Variants in ADAMTS8 observed in about 807,000 individuals in gnomAD.
ADAMTS8 encodes the protein A disintegrin and metalloproteinase with thrombospondin motifs 8.
Under a neutral mutation model 64.4 loss-of-function variants are expected in ADAMTS8, and 50 were observed. The ratio of observed to expected loss-of-function variants is 0.78; its 90% CI spans 0.62 to 0.98. The LOEUF (loss-of-function observed/expected upper bound fraction) is 0.98, where lower values mean the gene tolerates loss of function less well. Ranked by LOEUF, ADAMTS8 falls within the 50% of genes least tolerant of loss-of-function variation. The pLI, the probability that ADAMTS8 is intolerant of heterozygous loss-of-function variation, is 0.00. For missense variants in ADAMTS8, 1,192 were observed against 1,208.2 expected (o/e 0.99, Z 0.20); for synonymous variants, 556 against 533.6 (o/e 1.04, Z -0.58).
intron 1 of ADAMTS8, among the ~76,000 whole-genome samples, chr11:130,424,186 A>G (rs1862134041): frequency 6.6e-6 from 1 of 152,194 alleles, no homozygotes; most frequent in Non-Finnish European, 1.5e-5. Flanking sequence ...GTCCTGAGAA[A>G]GAGGCCGCCT....
At chr11:130,418,979 G>A in intron 2 of ADAMTS8, 74 bp downstream of exon 2, 1 of 1,595,800 alleles carries the variant, frequency 6.3e-7, no homozygotes, top group Non-Finnish European at 8.5e-7. Flanking sequence ...GTTTGGGCAG[G>A]CCTCGTGGTC....
At chr11:130,426,482 G>A (rs887861707) in intron 1 of ADAMTS8, among the ~76,000 whole-genome samples, 2 of 152,188 alleles carry the variant, frequency 1.3e-5, no homozygotes, top group Non-Finnish European at 2.9e-5. Context: ...CCTGTTTCAG[G>A]GAACTATGAC....
In ADAMTS8 at chr11:130,416,816, T is replaced by C. The variant is rs1862031451; in HGVS notation, c.1096+124A>G. 3 of 1,465,226 alleles carry C rather than the reference T, an allele frequency of 2.0e-6. No homozygotes were observed. The highest frequency in any genetic ancestry group is 3.5e-5 in the Admixed American group (2 of 56,428). 90.8% of individuals were successfully genotyped at this position (1,465,226 alleles called of 1,614,324 possible). A position where few individuals can be genotyped will look rare whatever the true frequency, so the allele number is the denominator to read the frequency against. ...TATCTGTTTGTATACAGTCACCCTGTCAAAATTAGGAGGAGCTATTCCTAA... is the reference window on the plus strand; with the variant it reads ...TATCTGTTTGTATACAGTCACCCTGCCAAAATTAGGAGGAGCTATTCCTAA... On this transcript the variant is annotated intron_variant, in intron 3 of 8. Coordinates refer to ENST00000257359, the MANE Select transcript of ADAMTS8 (RefSeq NM_007037.6). This position sits in a 1 kb window ranked among gnomAD's most constrained non-coding sequence, Gnocchi z 4.8.
intron 8 of ADAMTS8, 73 bp downstream of exon 8, chr11:130,408,391 T>C (rs1310776228): frequency 1.3e-6 from 2 of 1,545,374 alleles, no homozygotes; most frequent in Non-Finnish European, 1.8e-6. Flanking sequence ...ACAGTTCAAT[T>C]TGGGCCTAGC....
rs748346236 is a variant in ADAMTS8 at position 130,405,866 on chromosome 11, C to T, written c.2362G>A (p.Val788Met). The change falls in exon 9 of 9, where the codon GTG (valine) becomes ATG (methionine). Residue 788 changes from valine to methionine, a missense_variant. Physicochemically the swap from Val to Met is conservative, Grantham distance 21 (BLOSUM62 1). Coordinates refer to ENST00000257359, the MANE Select transcript of ADAMTS8 (RefSeq NM_007037.6). ...TCGCCAGGGACTGTCAGGAGCTGCACTGTCAGAGGCTCTGGCAAGGGCCGG... is the reference window on the plus strand; with the variant it reads ...TCGCCAGGGACTGTCAGGAGCTGCATTGTCAGAGGCTCTGGCAAGGGCCGG... Reference protein sequence around the residue: ...SFRPLPEPLTVQLLTVPGEVF... With the variant: ...SFRPLPEPLTMQLLTVPGEVF... 2 of 1,614,084 alleles carry T rather than the reference C, an allele frequency of 1.2e-6. No homozygotes were observed. The highest frequency in any genetic ancestry group is 1.1e-5 in the South Asian group (1 of 91,088).
chr11:130,410,580 G>T (rs1377534351), intron 6 of ADAMTS8, among the ~76,000 whole-genome samples: 2 of 152,190 alleles, frequency 1.3e-5, no homozygotes, highest in Non-Finnish European at 2.9e-5. Flanking sequence ...ATTCTCCTGA[G>T]ACATCAACCC....
rs773856706 is a variant in ADAMTS8, at chr11:130,427,820, G to A, written c.467C>T (p.Ala156Val). The A allele has an allele frequency of 6.4e-7, 1 of 1,558,412 alleles. No individual in the cohort carries two copies. The highest frequency in any genetic ancestry group is 1.2e-5 in the South Asian group (1 of 85,140). ...QPHRLQRWGP[A>V]GARPLPRGPE... ...TCCTCGCGGGAGGGGGCGGGCTCCG[G>A]CGGGACCCCAGCGCTGCAGGCGGTG... Residue 156 changes from alanine to valine, a missense_variant, in exon 1 of 9, where the codon GCC becomes GTC. By Grantham distance (64) the Ala-to-Val change is moderately conservative. Coordinates refer to ENST00000257359, the MANE Select transcript of ADAMTS8 (RefSeq NM_007037.6).
At position 130,428,230 on chromosome 11, in the gene ADAMTS8, CA is replaced by C; in HGVS notation, c.56del (p.Leu19ArgfsTer57). ...RWPPLLLLLL[L>X]LLPLARGAPA... ...GGGCGCCGCGGGCCAGCGGCAGCAG[CA>C]GCAGCAGCAGCAGCAGGAGCGGAGG... On this transcript the variant is annotated frameshift_variant, in exon 1 of 9. Coordinates refer to ENST00000257359, the MANE Select transcript of ADAMTS8 (RefSeq NM_007037.6). LOFTEE classifies it high-confidence loss of function. 1 of 1,221,896 alleles carries C rather than the reference CA, an allele frequency of 8.2e-7. No homozygotes were observed. The highest frequency in any genetic ancestry group is 1.0e-6 in the Non-Finnish European group (1 of 985,272). The allele number at this position is 1,221,896 out of a possible 1,614,324, so 75.7% of individuals were successfully genotyped here.
chr11:130,415,643 C>A (rs1243468274), intron 4 of ADAMTS8, among the ~76,000 whole-genome samples: 1 of 131,662 alleles, frequency 7.6e-6, no homozygotes, highest in Admixed American at 8.9e-5. Flanking sequence ...GCGTCTCTCT[C>A]TGTCACCCAG....
At chr11:130,424,727 C>T (rs1442866721) in intron 1 of ADAMTS8, among the ~76,000 whole-genome samples, 2 of 152,104 alleles carry the variant, frequency 1.3e-5, no homozygotes, top group Non-Finnish European at 2.9e-5. Flanking sequence ...TTTTCGGAAG[C>T]GCAGGGGACT....
chr11:130,409,812 G>T (rs1248364680), intron 6 of ADAMTS8, among the ~76,000 whole-genome samples: 1 of 152,162 alleles, frequency 6.6e-6, no homozygotes, highest in Non-Finnish European at 1.5e-5. Context: ...TCCTGCCAAG[G>T]TTCCCTGCCC....
At chr11:130,419,368 ATCACC>A in intron 1 of ADAMTS8, 76 bp from the exon 2 acceptor site, 9 of 1,584,832 alleles carry the variant, frequency 5.7e-6, no homozygotes, top group Non-Finnish European at 7.7e-6. Flanking sequence ...GTCCGCTGCC[ATCACC>A]TCTTGTTATG....
rs368180800 is a variant in ADAMTS8 at position 130,419,319 on chromosome 11, G to A, written c.721-27C>T. ...TGTCAGGAAGGAGGAGACAAGAGGCGGAGTGAAGGGTTAAGTCTCAGGGCC... is the reference window on the plus strand; with the variant it reads ...TGTCAGGAAGGAGGAGACAAGAGGCAGAGTGAAGGGTTAAGTCTCAGGGCC... On this transcript the variant is annotated intron_variant, in intron 1 of 8. Coordinates refer to ENST00000257359, the MANE Select transcript of ADAMTS8 (RefSeq NM_007037.6). The A allele has an allele frequency of 7.3e-5, 118 of 1,613,060 alleles. 1 individual carries two copies. In the Middle Eastern group the frequency reaches 3.0e-3, roughly 41 times the overall value.
chr11:130,409,933 C>T (rs1861932634), intron 6 of ADAMTS8, among the ~76,000 whole-genome samples: 1 of 152,230 alleles, frequency 6.6e-6, no homozygotes, highest in Non-Finnish European at 1.5e-5. Context: ...TCTGCAGGAG[C>T]TTCCAGGTGA....
intron 1 of ADAMTS8, among the ~76,000 whole-genome samples, chr11:130,424,990 T>G (rs1340354007): frequency 6.6e-6 from 1 of 152,072 alleles, no homozygotes; most frequent in Non-Finnish European, 1.5e-5. Context: ...AACTCAGCCT[T>G]CAGAGGTGCC....
At chr11:130,418,452 T>C (rs1862056051) in intron 2 of ADAMTS8, among the ~76,000 whole-genome samples, 1 of 152,192 alleles carries the variant, frequency 6.6e-6, no homozygotes, top group African/African-American at 2.4e-5. Context: ...AGCAGCACTG[T>C]CTTGGCTGGA....
Position 130,427,753 on chromosome 11 carries a change from C to A in ADAMTS8, c.534G>T (p.Glu178Asp). The A allele has an allele frequency of 6.3e-7, 1 of 1,595,870 alleles. No homozygotes were observed. The highest frequency in any genetic ancestry group is 8.5e-7 in the Non-Finnish European group (1 of 1,172,200). The change falls in exon 1 of 9, where the codon GAG becomes GAT. Residue 178 changes from glutamate (E) to aspartate (D), a missense_variant. Physicochemically the swap from Glu to Asp is conservative, Grantham distance 45. Around this residue, in one of 5 missense-constraint regions of ADAMTS8, gnomAD observed 741 missense variants for 710.6 expected, o/e 1.04. Coordinates refer to ENST00000257359, the MANE Select transcript of ADAMTS8 (RefSeq NM_007037.6). The part of the protein sequence containing the change: ...EVETGEGQRQ[E>D]RGDHQEDSEE... Reference sequence around the variant, plus strand: ...CGCTGTCCTCCTGGTGGTCTCCTCTCTCCTGCCTCTGACCCTCTCCCGTCT... The same window carrying A: ...CGCTGTCCTCCTGGTGGTCTCCTCTATCCTGCCTCTGACCCTCTCCCGTCT...
At chr11:130,425,791 C>T (rs1420952545) in intron 1 of ADAMTS8, among the ~76,000 whole-genome samples, 6 of 151,870 alleles carry the variant, frequency 4.0e-5, no homozygotes, top group African/African-American at 9.7e-5. Context: ...TTAGTAGAGA[C>T]GGGGTTTCAC....
Position 130,408,868 on chromosome 11 carries a change from A to G in ADAMTS8, c.1823T>C (p.Leu608Pro), listed in dbSNP as rs375526082. 9 of 1,611,798 alleles carry G rather than the reference A, an allele frequency of 5.6e-6. No homozygotes were observed. Among genetic ancestry groups the G allele is most frequent in the Non-Finnish European group, 7.6e-6 (9 of 1,179,146 alleles). Reference sequence around the variant, plus strand: ...CCCAGCATACTTGGGGACCCACTGCAGGAGATTCCCGTCCATGTCAGTGTA... The same window carrying G: ...CCCAGCATACTTGGGGACCCACTGCGGGAGATTCCCGTCCATGTCAGTGTA... ...YNYTDMDGNLLQWVPKYAGVS... is the reference protein window; with the variant it reads ...YNYTDMDGNLPQWVPKYAGVS... Residue 608 changes from leucine to proline, a missense_variant, in exon 7 of 9, where the codon CTG (leucine) becomes CCG (proline). Around this residue, in one of 5 missense-constraint regions of ADAMTS8, gnomAD observed 290 missense variants for 297.8 expected, o/e 0.97. Coordinates refer to ENST00000257359, the MANE Select transcript of ADAMTS8 (RefSeq NM_007037.6).
Sources: allele counts gnomAD v4.1 joint callset (sites outside exome capture counted in the v4.1 genomes callset), GRCh38; gene constraint gnomAD v4.1.1; regional missense constraint gnomAD v4.1.1; non-coding constraint Gnocchi (gnomAD v3.1); transcripts MANE v1.5; gene names NCBI Gene and HGNC (gene_info 2026-07-23, HGNC 2026-07-21).